DLEU7: variants seen among roughly 807,000 people sequenced by gnomAD.
The protein encoded by DLEU7 is leukemia-associated protein 7.
DLEU7 carries 17 observed loss-of-function variants against 16.0 expected under a neutral mutation model. The ratio of observed to expected loss-of-function variants is 1.06; its 90% CI spans 0.73 to 1.59. The LOEUF is 1.59. DLEU7 is among the 40% of genes most tolerant of loss of function. The pLI is 0.00. For synonymous variants in DLEU7, 113 were observed against 139.8 expected, an observed-to-expected ratio of 0.81 and a Z score of 1.35; for missense variants, 308 against 314.9, an observed-to-expected ratio of 0.98 and a Z score of 0.17.
At chr13:50,763,827 C>T (rs1875017101) in intron 1 of DLEU7, among the ~76,000 whole-genome samples, 1 of 152,206 alleles carries the variant, frequency 6.6e-6, no homozygotes, top group African/African-American at 2.4e-5. Context: ...CACTCCAGAT[C>T]CCAGTTTCCA....
At chr13:50,763,437 A>T (rs1015129396) in intron 1 of DLEU7, among the ~76,000 whole-genome samples, 1 of 152,220 alleles carries the variant, frequency 6.6e-6, no homozygotes, top group Non-Finnish European at 1.5e-5. Flanking sequence ...TGCATCAGAA[A>T]TCAAGCCTGT....
chr13:50,790,343 G>A (rs1236365261), intron 1 of DLEU7, among the ~76,000 whole-genome samples: 1 of 152,156 alleles, frequency 6.6e-6, no homozygotes, highest in East Asian at 1.9e-4. Context: ...GGAGGGAGTT[G>A]TGTGTGAGAG....
intron 1 of DLEU7, among the ~76,000 whole-genome samples, chr13:50,720,126 G>A (rs867455607): frequency 5.3e-5 from 8 of 152,150 alleles, no homozygotes; most frequent in African/African-American, 1.2e-4. Flanking sequence ...AGCTGATCCT[G>A]GGCATGCTCT....
chr13:50,754,053 C>A (rs1007829921), intron 1 of DLEU7, among the ~76,000 whole-genome samples: 2 of 152,140 alleles, frequency 1.3e-5, no homozygotes, highest in African/African-American at 4.8e-5. Context: ...GATATAATTT[C>A]AATTTTCTTA....
chr13:50,815,504 A>G (rs1188371379), intron 1 of DLEU7, among the ~76,000 whole-genome samples: 1 of 152,124 alleles, frequency 6.6e-6, no homozygotes, highest in Non-Finnish European at 1.5e-5. Context: ...ATTCTTTTTC[A>G]ATTGTTTCTA....
chr13:50,756,760 C>T (rs1874771465), intron 1 of DLEU7, among the ~76,000 whole-genome samples: 1 of 152,156 alleles, frequency 6.6e-6, no homozygotes, highest in South Asian at 2.1e-4. Flanking sequence ...CAAATTTTTT[C>T]AAATTTCAGC....
intron 1 of DLEU7, among the ~76,000 whole-genome samples, chr13:50,753,600 G>T (rs114723304): frequency 0.47 from 71,580 of 151,562 alleles, 17,884 homozygotes; most frequent in African/African-American, 0.63. Context: ...CAGCTGCTCT[G>T]AGTGGAGTCC....
chr13:50,758,025 A>ATTTTTTTTTTTTTTTTTTTTTTTTTTT (rs5803530), intron 1 of DLEU7, among the ~76,000 whole-genome samples: 5 of 89,108 alleles, frequency 5.6e-5, no homozygotes, highest in Admixed American at 1.3e-4. Flanking sequence ...CATTACCAAG[A>ATTTTTTTTTTTTTTTTTTTTTTTTTTT]TTTTTTTTTT....
chr13:50,764,873 G>GTTTGTTTTGT (rs199824550), intron 1 of DLEU7, among the ~76,000 whole-genome samples: 62 of 135,356 alleles, frequency 4.6e-4, no homozygotes, highest in African/African-American at 1.9e-3. Flanking sequence ...CCTTTTTTGG[G>GTTTGTTTTGT]TTTGTTTTGT....
At chr13:50,745,145 C>T (rs540633333) in intron 1 of DLEU7, among the ~76,000 whole-genome samples, 9 of 152,130 alleles carry the variant, frequency 5.9e-5, no homozygotes, top group African/African-American at 1.7e-4. Context: ...TATTCACAAG[C>T]GGCAAAAGAA....
intron 1 of DLEU7, among the ~76,000 whole-genome samples, chr13:50,759,306 C>G (rs972472129): frequency 6.6e-6 from 1 of 152,186 alleles, no homozygotes; most frequent in African/African-American, 2.4e-5. Context: ...AGTAAAATCA[C>G]TTAACTATTA....
At chr13:50,802,294 G>A (rs943632573) in intron 1 of DLEU7, among the ~76,000 whole-genome samples, 1 of 152,112 alleles carries the variant, frequency 6.6e-6, no homozygotes, top group Non-Finnish European at 1.5e-5. Context: ...ATCAAGTTAA[G>A]AGAGCAATTG....
At position 50,843,257 on chromosome 13, in the gene DLEU7, C is replaced by T. The variant is rs745650880; in HGVS notation, c.390G>A (p.Glu130=). The change falls in exon 1 of 2, where the codon GAG becomes GAA. Residue 130 remains glutamate (E), a synonymous_variant. Transcript: ENST00000504404. The surrounding 1 kb of genome is among the most constrained non-coding windows in gnomAD (Gnocchi z 5.7). ...ALARVVDSTS[E]LVSVEQTLLG... is the part of the protein sequence containing the mutation. ...GCAGCGTCTGCTCCACGCTGACCAG[C>T]TCCGAAGTCGAGTCCACCACGCGGG... 1.3e-6 allele frequency: 2 copies of T among 1,593,158 alleles called. No homozygotes were observed. The highest frequency in any genetic ancestry group is 1.8e-4 in the Middle Eastern group (1 of 5,552).
At chr13:50,728,740 C>T (rs769952464) in intron 1 of DLEU7, among the ~76,000 whole-genome samples, 1 of 152,108 alleles carries the variant, frequency 6.6e-6, no homozygotes, top group Non-Finnish European at 1.5e-5. Flanking sequence ...ATAACTTAGT[C>T]ATTTTAAGGA....
At chr13:50,832,314 T>C (rs555835468) in intron 1 of DLEU7, among the ~76,000 whole-genome samples, 2 of 152,078 alleles carry the variant, frequency 1.3e-5, no homozygotes, top group African/African-American at 2.4e-5. Flanking sequence ...TTGTATTTCT[T>C]TGGGATCAGT....
chr13:50,712,171 C>T (rs914956813), exon 2 of DLEU7: 1 of 152,318 alleles, frequency 6.6e-6, no homozygotes, highest in Admixed American at 6.5e-5. Flanking sequence ...TAGCAAACAA[C>T]TTCTGGGCCA....
chr13:50,762,098 A>G (rs1031288365), intron 1 of DLEU7, among the ~76,000 whole-genome samples: 2 of 149,578 alleles, frequency 1.3e-5, no homozygotes, highest in African/African-American at 2.5e-5. Context: ...AGGCTGAGGC[A>G]GAGAATTGCT....
In DLEU7 at chr13:50,843,221, G is replaced by T; in HGVS notation, c.426C>A (p.Leu142=). Reference sequence around the variant, plus strand: ...GAATGGGAAAGGACCGCTCCTGCTGGAGGGGCCCCAGCAGCGTCTGCTCCA... The same window carrying T: ...GAATGGGAAAGGACCGCTCCTGCTGTAGGGGCCCCAGCAGCGTCTGCTCCA... The part of the protein sequence containing the change: ...VSVEQTLLGP[L]QQERSFPIHL... Residue 142 remains leucine (L), a synonymous_variant, in exon 1 of 2, where the codon CTC becomes CTA. Transcript: ENST00000504404. The surrounding 1 kb of genome is among the most constrained non-coding windows in gnomAD (Gnocchi z 5.7). 1 of 1,593,960 alleles carries T rather than the reference G, an allele frequency of 6.3e-7. No individual in the cohort carries two copies. The highest frequency in any genetic ancestry group is 2.4e-5 in the East Asian group (1 of 42,028).
At chr13:50,746,432 C>T (rs1042542178) in intron 1 of DLEU7, among the ~76,000 whole-genome samples, 1 of 152,118 alleles carries the variant, frequency 6.6e-6, no homozygotes, top group Admixed American at 6.6e-5. Context: ...CCTTATTCTT[C>T]CATCACAGGT....
Sources: allele counts gnomAD v4.1 joint callset (sites outside exome capture counted in the v4.1 genomes callset), GRCh38; gene constraint gnomAD v4.1.1; non-coding constraint Gnocchi (gnomAD v3.1); transcripts MANE v1.5; gene names NCBI Gene and HGNC (gene_info 2026-07-23, HGNC 2026-07-21).